Variants in MUS81 observed in about 807,000 individuals in gnomAD.
MUS81 encodes MUS81 structure-specific endonuclease subunit.
MUS81 carries 69 observed loss-of-function variants against 74.2 expected under a neutral mutation model. The ratio of observed to expected loss-of-function variants is 0.93; its 90% CI spans 0.77 to 1.14. The LOEUF is 1.14. Among genes scored for constraint, MUS81 ranks in the 50% most tolerant of loss-of-function variants. The pLI, the probability that MUS81 is intolerant of heterozygous loss-of-function variation, is 0.00. For missense variants in MUS81, 711 were observed against 726.5 expected (o/e 0.98, Z 0.25); for synonymous variants, 303 against 300.6 (o/e 1.01, Z -0.08).
At position 65,866,145 on chromosome 11, in the gene MUS81, CTAAG is replaced by C. The variant is rs1859828043; in HGVS notation, c.*95_*98del. The C allele has an allele frequency of 7.8e-7, 1 of 1,277,006 alleles. No individual in the cohort carries two copies. Among genetic ancestry groups the C allele is most frequent in the Admixed American group, 2.2e-5 (1 of 45,364 alleles). 79.1% of individuals were successfully genotyped at this position (1,277,006 alleles called of 1,614,324 possible). A position where few individuals can be genotyped will look rare whatever the true frequency, so the allele number is the denominator to read the frequency against. On this transcript the variant is annotated 3_prime_UTR_variant, in exon 16 of 16. Coordinates refer to ENST00000308110, the MANE Select transcript of MUS81 (RefSeq NM_025128.5). ...ACATCTTTTGGGGTACAATTAGAAT[CTAAG>C]TGTTTGCAGCCATATGTGTCATGTA...
chr11:65,860,121 C>G, upstream of MUS81: 1 of 388,680 alleles, frequency 2.6e-6, no homozygotes, highest in Admixed American at 2.7e-5. Context: ...CCATTTCCTC[C>G]AAGGGTCCTG....
downstream of MUS81, chr11:65,867,036 A>G (rs1226554927): frequency 1.9e-6 from 3 of 1,614,074 alleles, no homozygotes; most frequent in Non-Finnish European, 2.5e-6. Flanking sequence ...GGGGCCCGTC[A>G]CCGGCCGGGC....
intron 2 of MUS81, 78 bp from the exon 3 acceptor site, chr11:65,861,272 A>G (rs1316280001): frequency 3.9e-6 from 6 of 1,536,014 alleles, no homozygotes; most frequent in African/African-American, 2.7e-5. Context: ...TCACGTAACC[A>G]TCTGAGTAGG....
Position 65,860,595 on chromosome 11 carries a change from G to A in MUS81, c.-159G>A. The A allele has an allele frequency of 1.0e-6, 1 of 955,782 alleles. No homozygotes were observed. The highest frequency in any genetic ancestry group is 2.2e-5 in the Admixed American group (1 of 44,726). The allele number at this position is 955,782 out of a possible 1,614,324, so 59.2% of individuals were successfully genotyped here. On this transcript the variant is annotated 5_prime_UTR_variant, in exon 1 of 16. It adds an upstream start codon to the 5' untranslated region. Coordinates refer to ENST00000308110, the MANE Select transcript of MUS81 (RefSeq NM_025128.5). ...GCGGCCGCAGGCTCTCCTCTCGTTAGTGCCCCCTGTGTTTGGGGCCCCGTG... is the reference window on the plus strand; with the variant it reads ...GCGGCCGCAGGCTCTCCTCTCGTTAATGCCCCCTGTGTTTGGGGCCCCGTG...
chr11:65,866,800 A>G, downstream of MUS81: 2 of 1,324,616 alleles, frequency 1.5e-6, no homozygotes, highest in Non-Finnish European at 2.1e-6. Context: ...CTGCAGTGTG[A>G]CCCGCCCACC....
intron 15 of MUS81, 34 bp downstream of exon 15, chr11:65,865,928 C>G: frequency 6.2e-7 from 1 of 1,614,024 alleles, no homozygotes; most frequent in Non-Finnish European, 8.5e-7. Context: ...GAGGGAGTGG[C>G]AGGGACTGGG....
At chr11:65,866,774 C>G, downstream of MUS81, 6 of 1,105,832 alleles carry the variant, frequency 5.4e-6, no homozygotes, top group Non-Finnish European at 8.0e-6. Context: ...GCCACCCTGC[C>G]CCAGCCTGAG....
rs1859555743 is a variant in MUS81 at position 65,860,710 on chromosome 11, C to T, written c.-44C>T. 1 of 1,532,714 alleles carries T rather than the reference C, an allele frequency of 6.5e-7. No homozygotes were observed. The highest frequency in any genetic ancestry group is 1.4e-5 in the African/African-American group (1 of 72,972). 94.9% of individuals were successfully genotyped at this position (1,532,714 alleles called of 1,614,324 possible). ...CCCGACTCCAGAACTGGCGGCGTCC[C>T]AGTCCCGCGGGCGTGGAGCGCCGGA... On this transcript the variant is annotated 5_prime_UTR_variant, in exon 1 of 16. Transcript: ENST00000308110.
Position 65,863,858 on chromosome 11 carries a change from A to T in MUS81, c.1016A>T (p.Asp339Val). 1 of 1,614,140 alleles carries T rather than the reference A, an allele frequency of 6.2e-7. No homozygotes were observed. The highest frequency in any genetic ancestry group is 8.5e-7 in the Non-Finnish European group (1 of 1,180,012). ...DHIVERKRLD[D>V]LCSSIIDGRF... ...ATTGTGGAGCGCAAGCGACTGGATG[A>T]CCTTTGCAGCAGCATCATCGACGGC... Residue 339 changes from aspartate (D) to valine (V), a missense_variant, in exon 10 of 16, where the codon GAC becomes GTC. Asp to Val is a radical substitution (Grantham distance 152, BLOSUM62 -3). Transcript: ENST00000308110.
chr11:65,865,657 G>A, intron 14 of MUS81, 154 bp from the exon 15 acceptor site: 1 of 790,718 alleles, frequency 1.3e-6, no homozygotes, highest in Non-Finnish European at 2.0e-6. Flanking sequence ...AGGGAGGACA[G>A]CCCGGCTGGC....
At chr11:65,860,377 G>A (rs1458417158), upstream of MUS81, 1 of 480,500 alleles carries the variant, frequency 2.1e-6, no homozygotes, top group Non-Finnish European at 4.1e-6. Context: ...CCGTCACAGG[G>A]GGCGCTGTCC....
Position 65,866,003 on chromosome 11 carries a change from T to C in MUS81, c.1607T>C (p.Leu536Pro). ...GRLQRNLGPA[L>P]SRTLSQLYCS... is the part of the protein sequence containing the mutation. ...TCCTGCAGGAATCTGGGGCCTGCTC[T>C]GAGCAGGACCTTATCCCAGCTCTAC... Residue 536 changes from leucine (L) to proline (P), a missense_variant, in exon 16 of 16, where the codon CTG becomes CCG. By Grantham distance (98) the Leu-to-Pro change is moderately conservative. Coordinates refer to ENST00000308110, the MANE Select transcript of MUS81 (RefSeq NM_025128.5). 1 of 1,614,098 alleles carries C rather than the reference T, an allele frequency of 6.2e-7. No individual in the cohort carries two copies. The highest frequency in any genetic ancestry group is 8.5e-7 in the Non-Finnish European group (1 of 1,179,962).
chr11:65,862,836 G>A (rs1859663475), intron 6 of MUS81, among the ~76,000 whole-genome samples: 1 of 152,228 alleles, frequency 6.6e-6, no homozygotes, highest in African/African-American at 2.4e-5. Context: ...AGTGAAGACA[G>A]GAGGAAGGAA....
At chr11:65,864,976 C>A (rs1185169936) in intron 12 of MUS81, 41 bp from the exon 13 acceptor site, 2 of 1,608,072 alleles carry the variant, frequency 1.2e-6, no homozygotes, top group Admixed American at 1.7e-5. Context: ...TGGAGTTGTT[C>A]CTTCGAGCTC....
chr11:65,862,339 C>T, intron 5 of MUS81, 60 bp downstream of exon 5: 1 of 1,598,976 alleles, frequency 6.3e-7, no homozygotes, highest in Admixed American at 1.7e-5. Context: ...CAAAGACTGC[C>T]TTTTCTTGCA....
At chr11:65,862,833 A>G (rs908367909) in intron 6 of MUS81, among the ~76,000 whole-genome samples, 2 of 152,232 alleles carry the variant, frequency 1.3e-5, no homozygotes, top group African/African-American at 4.8e-5. Flanking sequence ...ATTAGTGAAG[A>G]CAGGAGGAAG....
chr11:65,867,397 C>A (rs756546270), downstream of MUS81: 2 of 490,280 alleles, frequency 4.1e-6, no homozygotes, highest in Non-Finnish European at 7.4e-6. Context: ...AGTGAGCAGA[C>A]TCCCTTCAGA....
At chr11:65,866,874 C>T, downstream of MUS81, 1 of 1,612,474 alleles carries the variant, frequency 6.2e-7, no homozygotes, top group Non-Finnish European at 8.5e-7. Context: ...ACAACAGGCT[C>T]CTCAGCTAGG....
At position 65,862,188 on chromosome 11, in the gene MUS81, T is replaced by C. The variant is rs747849172; in HGVS notation, c.451-23T>C. 4.3e-6 allele frequency: 7 copies of C among 1,612,202 alleles called. 1 individual carries two copies. The South Asian group carries it at 7.7e-5, about 18-fold the overall frequency. The stretch of plus-strand genomic sequence containing the variant: ...AGGGGCCCTGGCACTGAGCCTACCC[T>C]GTCTTTTCTACCTTGGTTTCAGAAT... On this transcript the variant is annotated intron_variant, in intron 4 of 15. Coordinates refer to ENST00000308110, the MANE Select transcript of MUS81 (RefSeq NM_025128.5).
Sources: gnomAD v4.1 joint callset for allele counts (sites outside exome capture counted in the v4.1 genomes callset) on GRCh38, gnomAD v4.1.1 for gene constraint, MANE v1.5 for transcripts, NCBI Gene and HGNC (gene_info 2026-07-23, HGNC 2026-07-21) for gene names.